Variants in FAT3 observed in about 807,000 individuals in gnomAD.
FAT3 encodes protocadherin Fat 3.
In FAT3, 95 loss-of-function variants were observed where a neutral mutation model predicts 310.2. The ratio of observed to expected loss-of-function variants is 0.31; its 90% confidence interval spans 0.26 to 0.36. FAT3 has a LOEUF of 0.36. Ranked by LOEUF, FAT3 falls within the 10% of genes least tolerant of loss-of-function variation. The pLI is 1.00. For synonymous variants in FAT3, 2,314 were observed against 2,192.9 expected, an observed-to-expected ratio of 1.06 and a Z score of -1.54; for missense variants, 5,408 against 5,715.6, an observed-to-expected ratio of 0.95 and a Z score of 1.74.
chr11:92,755,565 A>G (rs1591689621), intron 4 of FAT3, among the ~76,000 whole-genome samples: 1 of 152,198 alleles, frequency 6.6e-6, no homozygotes, highest in Admixed American at 6.5e-5. Context: ...AAAAAGTTAC[A>G]TGAGGTAATA....
intron 3 of FAT3, among the ~76,000 whole-genome samples, chr11:92,646,022 CAATT>C (rs1445712908): frequency 6.6e-6 from 1 of 152,188 alleles, no homozygotes; most frequent in Non-Finnish European, 1.5e-5. Context: ...GATTTGCTAT[CAATT>C]GTTACATAAC....
At chr11:92,852,400 A>G (rs1948855089) in intron 19 of FAT3, among the ~76,000 whole-genome samples, 1 of 152,176 alleles carries the variant, frequency 6.6e-6, no homozygotes, top group Non-Finnish European at 1.5e-5. Flanking sequence ...ATCTGCCTTC[A>G]TACTTCCTTG....
chr11:92,748,489 T>C lies in FAT3; in HGVS notation c.3670-13367T>C, dbSNP rs115333538. Among the ~76,000 whole-genome samples the C allele has an allele frequency of 9.6e-3, 1,462 of 152,350 alleles. 21 individuals carry two copies. The highest frequency in any genetic ancestry group is 0.034 in the African/African-American group (1,406 of 41,572). On this transcript the variant is annotated intron_variant, in intron 4 of 27. Transcript: ENST00000525166. The stretch of plus-strand genomic sequence containing the variant: ...TTCTCCTTTCTTCTCCTTCCTTCCT[T>C]TCTTTCCTTTGAACCCTCATTCTTT...
intron 7 of FAT3, among the ~76,000 whole-genome samples, chr11:92,780,226 A>G (rs1751127627): frequency 6.6e-6 from 1 of 151,198 alleles, no homozygotes; most frequent in African/African-American, 2.4e-5. Flanking sequence ...CAGTGGCACA[A>G]TCACGACTCA....
rs1440386289 is a variant in FAT3 at position 92,355,213 on chromosome 11, T to C, written c.3101T>C (p.Val1034Ala). 11 of 1,613,688 alleles carry C rather than the reference T, an allele frequency of 6.8e-6. No individual in the cohort carries two copies. The highest frequency in any genetic ancestry group is 9.3e-6 in the Non-Finnish European group (11 of 1,179,854). ...VSFVEVEVVDVNENLHTPYFP... is the reference protein window; with the variant it reads ...VSFVEVEVVDANENLHTPYFP... ...TTTGTTGAGGTGGAAGTGGTGGATG[T>C]CAATGAAAACCTCCACACTCCCTAT... Residue 1034 changes from valine to alanine, a missense_variant, in exon 2 of 28, where the codon GTC becomes GCC. Val to Ala is a moderately conservative substitution (Grantham distance 64). This residue lies in a region of FAT3 where 4,588 missense variants were observed against 4,809.8 expected (regional missense o/e 0.95). Transcript: ENST00000525166.
intron 1 of FAT3, among the ~76,000 whole-genome samples, chr11:92,290,546 T>C (rs887246870): frequency 2.0e-5 from 3 of 151,848 alleles, no homozygotes; most frequent in African/African-American, 7.3e-5. Context: ...CACCAGCGGT[T>C]AGGAGATCGA....
intron 2 of FAT3, among the ~76,000 whole-genome samples, chr11:92,418,057 A>C (rs1950453891): frequency 6.6e-6 from 1 of 152,182 alleles, no homozygotes; most frequent in Admixed American, 6.5e-5. Context: ...TGTGAACTTA[A>C]GCAAGTCACT....
chr11:92,852,467 A>G (rs1948856694), intron 19 of FAT3, among the ~76,000 whole-genome samples: 1 of 152,190 alleles, frequency 6.6e-6, no homozygotes, highest in Non-Finnish European at 1.5e-5. Context: ...GCCAGAGCCC[A>G]AATGTTTATG....
intron 3 of FAT3, among the ~76,000 whole-genome samples, chr11:92,632,624 G>A (rs1941596545): frequency 1.3e-5 from 2 of 152,238 alleles, no homozygotes. Context: ...TATGAAAGGA[G>A]AGGAGTTAAG....
Position 92,800,354 on chromosome 11 carries a change from G to C in FAT3, c.7341G>C (p.Lys2447Asn), listed in dbSNP as rs751232170. ...GGACGAGCTTTCTGATGGACAGCAA[G>C]AGTGGAGTTATCACATTGTCCAACC... ...NDRTSFLMDSKSGVITLSNHR... is the reference protein window; with the variant it reads ...NDRTSFLMDSNSGVITLSNHR... Residue 2447 changes from lysine (K) to asparagine (N), a missense_variant, in exon 10 of 28, where the codon AAG becomes AAC. By Grantham distance (94) the Lys-to-Asn change is moderately conservative (BLOSUM62 0). This residue lies in a region of FAT3 where 4,588 missense variants were observed against 4,809.8 expected (regional missense o/e 0.95). Coordinates refer to ENST00000525166, the MANE Select transcript of FAT3 (RefSeq NM_001367949.2). The C allele has an allele frequency of 1.9e-6, 3 of 1,614,010 alleles. No homozygotes were observed. In the East Asian group the frequency reaches 6.7e-5, roughly 36 times the overall value.
chr11:92,374,617 A>G (rs889258819), intron 2 of FAT3, among the ~76,000 whole-genome samples: 1 of 152,238 alleles, frequency 6.6e-6, no homozygotes, highest in African/African-American at 2.4e-5. Flanking sequence ...GAAGTACACA[A>G]TTATAAATGC....
rs377563244 is a variant in FAT3 at position 92,790,135 on chromosome 11, C to T, written c.4528C>T (p.Arg1510Trp). 27 of 1,613,612 alleles carry T rather than the reference C, an allele frequency of 1.7e-5. No individual in the cohort carries two copies. In the South Asian group the frequency reaches 1.9e-4, roughly 11 times the overall value. ...SIDSISMRKF[R>W]IDPSTGVLYT... ...CGACTCCATCAGCATGAGAAAATTC[C>T]GGATTGACCCTAGCACTGGCGTGCT... The change falls in exon 8 of 28, where the codon CGG (arginine) becomes TGG (tryptophan). Residue 1510 changes from arginine to tryptophan, a missense_variant. Arg to Trp is a moderately radical substitution (Grantham distance 101). This residue lies in a region of FAT3 where 4,588 missense variants were observed against 4,809.8 expected (regional missense o/e 0.95). Transcript: ENST00000525166.
At chr11:92,456,797 G>A (rs1055970592) in intron 2 of FAT3, among the ~76,000 whole-genome samples, 4 of 152,058 alleles carry the variant, frequency 2.6e-5, no homozygotes, top group Non-Finnish European at 2.9e-5. Context: ...TGAATGCACT[G>A]TCATTCTTTC....
At position 92,831,026 on chromosome 11, in the gene FAT3, C is replaced by T. The variant is rs999964659; in HGVS notation, c.9482-596C>T. Among the ~76,000 whole-genome samples the T allele has an allele frequency of 3.9e-5, 6 of 152,288 alleles. No homozygotes were observed. In the Middle Eastern group the frequency reaches 0.014, roughly 345 times the overall value. On this transcript the variant is annotated intron_variant, in intron 13 of 27. Coordinates refer to ENST00000525166, the MANE Select transcript of FAT3 (RefSeq NM_001367949.2). Reference sequence around the variant, plus strand: ...AGGCTGCTGACTGGTCTCCCTCCTTCCTCTCTGGCTGCCCTTCCATCTGTT... The same window carrying T: ...AGGCTGCTGACTGGTCTCCCTCCTTTCTCTCTGGCTGCCCTTCCATCTGTT...
At chr11:92,544,173 G>A (rs1436175505) in intron 3 of FAT3, among the ~76,000 whole-genome samples, 3 of 152,114 alleles carry the variant, frequency 2.0e-5, no homozygotes, top group East Asian at 3.9e-4. Flanking sequence ...ATATTAAAAT[G>A]TTTAAATTTC....
chr11:92,367,260 C>A (rs1949049510), intron 2 of FAT3: 1 of 262,824 alleles, frequency 3.8e-6, no homozygotes, highest in South Asian at 5.0e-5. Context: ...TGGTGGCTGT[C>A]TGGGCATGTG....
intron 21 of FAT3, among the ~76,000 whole-genome samples, chr11:92,860,709 T>A (rs1404072256): frequency 6.6e-6 from 1 of 152,196 alleles, no homozygotes; most frequent in Non-Finnish European, 1.5e-5. Context: ...GTTGATTAGG[T>A]GGCCCAGGCT....
At chr11:92,398,838 GA>G in intron 2 of FAT3, among the ~76,000 whole-genome samples, 1 of 152,088 alleles carries the variant, frequency 6.6e-6, no homozygotes, top group Admixed American at 6.6e-5. Context: ...ACATTGATTT[GA>G]AAATACTGTT....
At chr11:92,708,624 C>A (rs997532253) in intron 4 of FAT3, among the ~76,000 whole-genome samples, 3 of 152,162 alleles carry the variant, frequency 2.0e-5, no homozygotes, top group East Asian at 3.8e-4. Context: ...CATCTTGTGA[C>A]AAAATTCAGA....
Sources: allele counts gnomAD v4.1 joint callset (sites outside exome capture counted in the v4.1 genomes callset), GRCh38; gene constraint gnomAD v4.1.1; regional missense constraint gnomAD v4.1.1; transcripts MANE v1.5; gene names NCBI Gene and HGNC (gene_info 2026-07-23, HGNC 2026-07-21).